SUCO: variants seen among roughly 807,000 people sequenced by gnomAD.
SUCO encodes SUN domain containing ossification factor.
In SUCO, 57 loss-of-function variants were observed where a neutral mutation model predicts 148.1. The ratio of observed to expected loss-of-function variants is 0.38; its 90% CI spans 0.31 to 0.48. The LOEUF is 0.48. Ranked by LOEUF, SUCO falls within the 20% of genes least tolerant of loss-of-function variation. The pLI is 0.96. For missense variants in SUCO, 1,331 were observed against 1,468.2 expected (o/e 0.91, Z 1.53); for synonymous variants, 470 against 502.7 (o/e 0.93, Z 0.87).
At chr1:172,545,962 T>C (rs1652828527) in intron 1 of SUCO, among the ~76,000 whole-genome samples, 1 of 152,002 alleles carries the variant, frequency 6.6e-6, no homozygotes, top group South Asian at 2.1e-4. Flanking sequence ...GGCAGGGTCT[T>C]GCTCTGTCCC....
chr1:172,602,873 C>T (rs1239215206), intron 22 of SUCO, 86 bp downstream of exon 22: 1 of 1,136,538 alleles, frequency 8.8e-7, no homozygotes, highest in Admixed American at 2.0e-5. Context: ...GTGTTCATGA[C>T]CATCTGCAAC....
At chr1:172,555,269 G>A (rs941024616) in intron 3 of SUCO, 19 of 337,430 alleles carry the variant, frequency 5.6e-5, no homozygotes, top group African/African-American at 4.0e-4. Flanking sequence ...GAGGCATAGG[G>A]GAAAGGGAGT....
chr1:172,555,353 G>A, intron 3 of SUCO: 1 of 984,302 alleles, frequency 1.0e-6, no homozygotes, highest in Non-Finnish European at 1.2e-6. Flanking sequence ...CAGGTGTTAG[G>A]TAGATTTCAC....
chr1:172,564,330 C>T (rs1347031358), intron 6 of SUCO, among the ~76,000 whole-genome samples: 2 of 152,240 alleles, frequency 1.3e-5, no homozygotes, highest in Non-Finnish European at 2.9e-5. Flanking sequence ...GGAAAAGTAG[C>T]AGGCACTCAA....
intron 6 of SUCO, among the ~76,000 whole-genome samples, chr1:172,558,488 C>T (rs1463592256): frequency 1.3e-5 from 2 of 151,376 alleles, no homozygotes; most frequent in Non-Finnish European, 2.9e-5. Flanking sequence ...ATGAGTAGTT[C>T]AGTGTGCTGA....
intron 17 of SUCO, among the ~76,000 whole-genome samples, chr1:172,587,053 T>G (rs1168746220): frequency 6.6e-6 from 1 of 151,926 alleles, no homozygotes; most frequent in Non-Finnish European, 1.5e-5. Flanking sequence ...CAAAACTAAA[T>G]AAAACTGATT....
chr1:172,570,728 T>G lies in SUCO; in HGVS notation c.1047T>G (p.Ile349Met), dbSNP rs762427178. Reference sequence around the variant, plus strand: ...TGTTGAATCCTTGCAGCACTAAAATTTGGTGAGTTATACACAATTTTAAAA... The same window carrying G: ...TGTTGAATCCTTGCAGCACTAAAATGTGGTGAGTTATACACAATTTTAAAA... ...LYMLNPCSTK[I>M]WFVIELCEPI... The change falls in exon 9 of 24, where the codon ATT becomes ATG. Residue 349 changes from isoleucine to methionine, a missense_variant and splice_region_variant. Physicochemically the swap from Ile to Met is conservative, Grantham distance 10. Transcript: ENST00000263688. 9.4e-6 allele frequency: 15 copies of G among 1,598,540 alleles called. No individual in the cohort carries two copies. The East Asian group carries it at 3.4e-4, about 36-fold the overall frequency.
chr1:172,570,912 C>CA (rs1319236340), intron 9 of SUCO, 182 bp downstream of exon 9: 1 of 474,594 alleles, frequency 2.1e-6, no homozygotes, highest in Non-Finnish European at 3.8e-6. Flanking sequence ...TCACAAAAAG[C>CA]AAAAAATGGC....
At chr1:172,552,798 C>T (rs1189312394) in intron 2 of SUCO, 2 of 199,622 alleles carry the variant, frequency 1.0e-5, no homozygotes, top group Non-Finnish European at 1.8e-5. Context: ...TTTCAGTAAA[C>T]ATTTAGATAC....
chr1:172,559,461 G>A (rs1444901265), intron 6 of SUCO, among the ~76,000 whole-genome samples: 2 of 152,098 alleles, frequency 1.3e-5, no homozygotes, highest in East Asian at 1.9e-4. Context: ...TGCTTAGCCC[G>A]GGAGGGTTCT....
chr1:172,575,461 C>T (rs893144409), intron 10 of SUCO, 57 bp from the exon 11 acceptor site: 6 of 1,239,248 alleles, frequency 4.8e-6, no homozygotes, highest in African/African-American at 1.5e-5. Context: ...TATGATAGAA[C>T]CTTTCAATAT....
At position 172,610,450 on chromosome 1, in the gene SUCO, C is replaced by A; in HGVS notation, c.*191C>A. The A allele has an allele frequency of 1.3e-6, 1 of 780,628 alleles. No individual in the cohort carries two copies. The highest frequency in any genetic ancestry group is 1.9e-6 in the Non-Finnish European group (1 of 536,726). The allele number at this position is 780,628 out of a possible 1,614,324, so 48.4% of individuals were successfully genotyped here. On this transcript the variant is annotated 3_prime_UTR_variant, in exon 24 of 24. Transcript: ENST00000263688. ...GTTAATGAGCTACAGTTTTACAAAGCTGATCACTTCCTATAAGGACAATGG... is the reference window on the plus strand; with the variant it reads ...GTTAATGAGCTACAGTTTTACAAAGATGATCACTTCCTATAAGGACAATGG...
intron 1 of SUCO, among the ~76,000 whole-genome samples, chr1:172,537,326 AAAT>A (rs1404660452): frequency 2.0e-5 from 3 of 152,194 alleles, no homozygotes; most frequent in Non-Finnish European, 2.9e-5. Context: ...GTTCTCATTA[AAAT>A]AATAATTTTT....
At chr1:172,599,385 CTA>C (rs1657352549) in intron 19 of SUCO, 1 of 739,746 alleles carries the variant, frequency 1.4e-6, no homozygotes, top group Non-Finnish European at 1.7e-6. Flanking sequence ...AGGGTCATAA[CTA>C]TGATTGTGAT....
chr1:172,600,037 A>C (rs1388586365), intron 19 of SUCO, 27 bp from the exon 20 acceptor site: 37 of 1,339,744 alleles, frequency 2.8e-5, no homozygotes, highest in Non-Finnish European at 3.6e-5. Flanking sequence ...GTTAATATTC[A>C]AAAAAAAATA....
intron 22 of SUCO, among the ~76,000 whole-genome samples, chr1:172,604,990 A>G (rs545935749): frequency 1.3e-5 from 2 of 151,828 alleles, no homozygotes; most frequent in South Asian, 4.1e-4. Context: ...GGGTATACAG[A>G]TATCTCTTTG....
At chr1:172,535,074 GCTAT>G (rs1353606818) in intron 1 of SUCO, among the ~76,000 whole-genome samples, 1 of 152,016 alleles carries the variant, frequency 6.6e-6, no homozygotes, top group Non-Finnish European at 1.5e-5. Context: ...GGAATTTCTG[GCTAT>G]CTTTTGATTA....
intron 15 of SUCO, among the ~76,000 whole-genome samples, chr1:172,582,096 A>G (rs1026062221): frequency 1.3e-5 from 2 of 152,138 alleles, no homozygotes; most frequent in African/African-American, 4.8e-5. Flanking sequence ...ACCTCTGCCT[A>G]CTTTGATATT....
chr1:172,581,658 A>G (rs971856273), intron 15 of SUCO, among the ~76,000 whole-genome samples: 2 of 152,328 alleles, frequency 1.3e-5, no homozygotes, highest in Middle Eastern at 3.4e-3. Context: ...GAGTTTGACT[A>G]TAATCATCAC....
Sources: gnomAD v4.1 joint callset for allele counts (sites outside exome capture counted in the v4.1 genomes callset) on GRCh38, gnomAD v4.1.1 for gene constraint, MANE v1.5 for transcripts, NCBI Gene and HGNC (gene_info 2026-07-23, HGNC 2026-07-21) for gene names.